Variants in IFT81 observed in about 807,000 individuals in gnomAD.
The protein encoded by IFT81 is intraflagellar transport 81.
IFT81 carries 72 observed loss-of-function variants against 102.6 expected under a neutral mutation model. That is an observed-to-expected ratio of 0.70 (90% CI 0.58 to 0.85). The LOEUF (loss-of-function observed/expected upper bound fraction) is 0.85. Among genes scored for constraint, IFT81 ranks in the 40% least tolerant of loss-of-function variants. The pLI, the probability that IFT81 is intolerant of heterozygous loss-of-function variation, is 0.00. For missense variants in IFT81, 723 were observed against 787.3 expected (o/e 0.92, Z 0.98); for synonymous variants, 237 against 242.7 (o/e 0.98, Z 0.22).
At chr12:110,156,518 A>G (rs1895847619) in intron 10 of IFT81, among the ~76,000 whole-genome samples, 1 of 147,810 alleles carries the variant, frequency 6.8e-6, no homozygotes, top group Non-Finnish European at 1.5e-5. Context: ...TTTTTTGGAG[A>G]TGGAGTCTCA....
chr12:110,128,166 G>T lies in IFT81; in HGVS notation c.248+17G>T. 2 of 1,487,350 alleles carry T rather than the reference G, an allele frequency of 1.3e-6. No homozygotes were observed. Among genetic ancestry groups the T allele is most frequent in the Non-Finnish European group, 1.9e-6 (2 of 1,066,614 alleles). The allele number at this position is 1,487,350 out of a possible 1,614,324, so 92.1% of individuals were successfully genotyped here. On this transcript the variant is annotated intron_variant, in intron 3 of 18. Transcript: ENST00000242591. ...CACAGATATGTAAGAATCTGATCAC[G>T]TATTGAGTTTTTAAAATTATGCTTT...
chr12:110,157,280 C>T (rs1271053584), intron 10 of IFT81, among the ~76,000 whole-genome samples: 1 of 151,918 alleles, frequency 6.6e-6, no homozygotes. Flanking sequence ...ACCTGGGAGG[C>T]GGAGGTTGCC....
chr12:110,149,298 G>A (rs901008596), intron 10 of IFT81, among the ~76,000 whole-genome samples: 1 of 152,290 alleles, frequency 6.6e-6, no homozygotes, highest in African/African-American at 2.4e-5. Context: ...GGAGTGGCTC[G>A]CTTCTTTAGT....
chr12:110,216,952 A>G, intron 18 of IFT81: 2 of 203,486 alleles, frequency 9.8e-6, no homozygotes, highest in Admixed American at 5.4e-5. Flanking sequence ...CAAAATGTGG[A>G]CATTTCTCAG....
Position 110,135,413 on chromosome 12 carries a change from A to G in IFT81, c.672A>G (p.Gln224=), listed in dbSNP as rs889611054. The change falls in exon 7 of 19, where the codon CAA becomes CAG. Residue 224 remains glutamine (Q), a synonymous_variant. Coordinates refer to ENST00000242591, the MANE Select transcript of IFT81 (RefSeq NM_014055.4). ...AAGAGAGAGAAGAATATCTTGCACA[A>G]CAGAAACAGGAACAAAAGAATCAGG... The part of the protein sequence containing the change: ...VEKEREEYLA[Q]QKQEQKNQLF... 1.9e-6 allele frequency: 3 copies of G among 1,609,198 alleles called. No individual in the cohort carries two copies. Among genetic ancestry groups the G allele is most frequent in the Admixed American group, 1.7e-5 (1 of 59,610 alleles).
chr12:110,133,268 C>T (rs1426554381), intron 5 of IFT81, among the ~76,000 whole-genome samples: 1 of 151,952 alleles, frequency 6.6e-6, no homozygotes, highest in African/African-American at 2.4e-5. Context: ...CACTGCTGCA[C>T]CTAGCCTTTA....
chr12:110,170,100 C>T (rs1360595101), intron 11 of IFT81, among the ~76,000 whole-genome samples: 1 of 151,916 alleles, frequency 6.6e-6, no homozygotes. Context: ...CTACAGGTGC[C>T]CGCCACCATG....
chr12:110,128,627 A>G (rs1366101725), intron 3 of IFT81, among the ~76,000 whole-genome samples: 3 of 151,392 alleles, frequency 2.0e-5, no homozygotes, highest in African/African-American at 7.3e-5. Flanking sequence ...CTGCCTCTAC[A>G]AAAAATACAA....
At chr12:110,174,055 A>G (rs934314216) in intron 11 of IFT81, among the ~76,000 whole-genome samples, 32 of 151,838 alleles carry the variant, frequency 2.1e-4, no homozygotes, top group African/African-American at 7.3e-4. Context: ...AGGCGGGTGG[A>G]TCATGAGGTC....
At chr12:110,126,901 A>G (rs1893876523) in intron 1 of IFT81, among the ~76,000 whole-genome samples, 1 of 152,220 alleles carries the variant, frequency 6.6e-6, no homozygotes, top group Non-Finnish European at 1.5e-5. Flanking sequence ...CGGTTGCCAG[A>G]TCTGATTTTC....
intron 12 of IFT81, among the ~76,000 whole-genome samples, 176 bp from the exon 13 acceptor site, chr12:110,190,744 T>C (rs192774323): frequency 7.7e-4 from 117 of 152,348 alleles, no homozygotes; most frequent in Non-Finnish European, 9.1e-4. Flanking sequence ...GTTTATAATA[T>C]ACAAAGGCAT....
chr12:110,177,397 C>T (rs1009292417), intron 11 of IFT81, among the ~76,000 whole-genome samples: 13 of 152,186 alleles, frequency 8.5e-5, no homozygotes, highest in Non-Finnish European at 1.9e-4. Flanking sequence ...ATTCTCATGC[C>T]TCAGCCTCCC....
chr12:110,188,059 G>A (rs1416273685), intron 12 of IFT81, among the ~76,000 whole-genome samples: 4 of 152,210 alleles, frequency 2.6e-5, no homozygotes, highest in South Asian at 4.1e-4. Context: ...TCGGCCGGGC[G>A]CGGTGGCTCA....
chr12:110,142,788 A>G (rs1042403195), intron 8 of IFT81, among the ~76,000 whole-genome samples: 2 of 152,062 alleles, frequency 1.3e-5, no homozygotes, highest in Admixed American at 1.3e-4. Context: ...AGCTACTTCC[A>G]GCTACTCAGG....
intron 17 of IFT81, among the ~76,000 whole-genome samples, chr12:110,208,176 CA>C (rs1477772472): frequency 6.6e-6 from 1 of 152,098 alleles, no homozygotes; most frequent in Non-Finnish European, 1.5e-5. Context: ...TGTGTGTATA[CA>C]CACACGTATA....
chr12:110,139,544 G>A (rs1894727240), intron 8 of IFT81, among the ~76,000 whole-genome samples: 3 of 151,486 alleles, frequency 2.0e-5, no homozygotes, highest in Admixed American at 2.0e-4. Flanking sequence ...AGGCCAAGGC[G>A]GGTGGATCAC....
At chr12:110,136,420 G>T (rs1441988027) in intron 7 of IFT81, among the ~76,000 whole-genome samples, 2 of 152,192 alleles carry the variant, frequency 1.3e-5, no homozygotes, top group Non-Finnish European at 2.9e-5. Flanking sequence ...CTTGGCGTTG[G>T]TTTGTGATTC....
intron 14 of IFT81, among the ~76,000 whole-genome samples, chr12:110,199,482 C>T (rs894414871): frequency 2.0e-5 from 3 of 152,124 alleles, no homozygotes; most frequent in Non-Finnish European, 2.9e-5. Flanking sequence ...TCCAAAGCTG[C>T]CTGAGGACAG....
At chr12:110,158,221 C>G (rs1252482451) in intron 10 of IFT81, among the ~76,000 whole-genome samples, 1 of 151,916 alleles carries the variant, frequency 6.6e-6, no homozygotes, top group African/African-American at 2.4e-5. Flanking sequence ...TAGGCTAATA[C>G]AAAAATTAGC....
Sources: gnomAD v4.1 joint callset for allele counts (sites outside exome capture counted in the v4.1 genomes callset) on GRCh38, gnomAD v4.1.1 for gene constraint, MANE v1.5 for transcripts, NCBI Gene and HGNC (gene_info 2026-07-23, HGNC 2026-07-21) for gene names.